The following RGS6 variants were observed in gnomAD, a reference collection of about 807,000 sequenced individuals.
RGS6 encodes the protein regulator of G-protein signaling 6.
Under a neutral mutation model 78.5 loss-of-function variants are expected in RGS6, and 30 were observed. The observed-to-expected ratio is 0.38, with a 90% CI of 0.29 to 0.52. The LOEUF is 0.52. Ranked by LOEUF, RGS6 falls within the 20% of genes least tolerant of loss-of-function variation. RGS6 has a pLI of 0.85. For missense variants in RGS6, 495 were observed against 609.7 expected, an observed-to-expected ratio of 0.81 and a Z score of 1.98; for synonymous variants, 206 against 206.0, an observed-to-expected ratio of 1.00 and a Z score of 0.00.
intron 3 of RGS6, among the ~76,000 whole-genome samples, chr14:72,423,828 TC>T (rs1338936612): frequency 1.3e-5 from 2 of 151,864 alleles, no homozygotes; most frequent in Non-Finnish European, 2.9e-5. Context: ...AAAATAAAAG[TC>T]AAAACAAAAT....
At chr14:72,269,151 C>A (rs1351046423) in intron 2 of RGS6, among the ~76,000 whole-genome samples, 1 of 141,136 alleles carries the variant, frequency 7.1e-6, no homozygotes, top group Non-Finnish European at 1.6e-5. Flanking sequence ...CACCACCCAC[C>A]TTGCTCCAAG....
At position 72,491,422 on chromosome 14, in the gene RGS6, T is replaced by C. The variant is rs2239271; in HGVS notation, c.855-3730T>C. Among the ~76,000 whole-genome samples the C allele has an allele frequency of 6.5e-4, 99 of 152,286 alleles. 2 individuals are homozygous for C. The East Asian group carries it at 0.018, about 27-fold the overall frequency. On this transcript the variant is annotated intron_variant, in intron 12 of 17. Coordinates refer to ENST00000553525, the MANE Select transcript of RGS6 (RefSeq NM_001204424.2). Reference sequence around the variant, plus strand: ...GTCACTCAATGCAACCAAGACAATATTGTAGACATATGTTCATCTTCTCCC... The same window carrying C: ...GTCACTCAATGCAACCAAGACAATACTGTAGACATATGTTCATCTTCTCCC...
chr14:72,453,040 G>A (rs902478520), intron 3 of RGS6, among the ~76,000 whole-genome samples: 3 of 152,198 alleles, frequency 2.0e-5, no homozygotes, highest in Non-Finnish European at 4.4e-5. Context: ...CTGGTATGCC[G>A]CAGGACTGTC....
At chr14:72,612,014 G>T in the RGS6 span, among the ~76,000 whole-genome samples, 2 of 152,186 alleles carry the variant, frequency 1.3e-5, no homozygotes, top group African/African-American at 4.8e-5. Context: ...AGCCCCTACA[G>T]GACCTAGAGC....
chr14:71,923,643 G>A, the RGS6 span, among the ~76,000 whole-genome samples: 1 of 152,144 alleles, frequency 6.6e-6, no homozygotes, highest in African/African-American at 2.4e-5. Context: ...AACATCATGA[G>A]TGAATCTAAA....
chr14:72,231,205 A>G (rs2049489509), intron 2 of RGS6, among the ~76,000 whole-genome samples: 1 of 152,194 alleles, frequency 6.6e-6, no homozygotes, highest in Non-Finnish European at 1.5e-5. Flanking sequence ...CAAGAGCATC[A>G]ACCCCACCAG....
intron 2 of RGS6, among the ~76,000 whole-genome samples, chr14:72,119,355 A>G (rs1174928237): frequency 6.6e-6 from 1 of 152,212 alleles, no homozygotes; most frequent in Admixed American, 6.5e-5. Context: ...ATAGGAAACC[A>G]TACCCCACTG....
chr14:72,339,942 C>T (rs2076679968), intron 2 of RGS6, among the ~76,000 whole-genome samples: 2 of 152,128 alleles, frequency 1.3e-5, no homozygotes, highest in African/African-American at 4.8e-5. Flanking sequence ...CTTGTGGTTG[C>T]ACCTCCTTCT....
chr14:72,076,362 G>A (rs919359562), intron 2 of RGS6, among the ~76,000 whole-genome samples: 4 of 152,006 alleles, frequency 2.6e-5, no homozygotes, highest in African/African-American at 9.7e-5. Flanking sequence ...TTAATAGATA[G>A]CATTGCATTA....
intron 2 of RGS6, among the ~76,000 whole-genome samples, chr14:72,130,866 A>G (rs137921105): frequency 4.8e-4 from 73 of 152,320 alleles, no homozygotes; most frequent in Non-Finnish European, 7.6e-4. Flanking sequence ...AGTTTGTTGC[A>G]TTGGTATGTG....
At chr14:71,875,330 T>C in the RGS6 span, among the ~76,000 whole-genome samples, 1 of 152,218 alleles carries the variant, frequency 6.6e-6, no homozygotes, top group Non-Finnish European at 1.5e-5. Context: ...GATCCTGTTA[T>C]TGTTCTATTC....
chr14:72,372,140 C>T (rs1323431460), intron 3 of RGS6, among the ~76,000 whole-genome samples: 1 of 152,146 alleles, frequency 6.6e-6, no homozygotes, highest in Non-Finnish European at 1.5e-5. Flanking sequence ...GCTTTAAACA[C>T]AAAACGTTGT....
intron 1 of RGS6, among the ~76,000 whole-genome samples, chr14:71,963,314 T>C (rs551032193): frequency 3.6e-4 from 55 of 152,262 alleles, no homozygotes; most frequent in Non-Finnish European, 7.6e-4. Flanking sequence ...CTCACTGTTA[T>C]CTTTTCAGGC....
In RGS6 at chr14:72,121,633, G is replaced by A. The variant is rs561686667; in HGVS notation, c.84+156758G>A. Among the ~76,000 whole-genome samples, 8 of 152,288 alleles carry A rather than the reference G, an allele frequency of 5.3e-5. No individual in the cohort carries two copies. In the South Asian group the frequency reaches 1.7e-3, roughly 32 times the overall value. On this transcript the variant is annotated intron_variant, in intron 2 of 17. Coordinates refer to ENST00000553525, the MANE Select transcript of RGS6 (RefSeq NM_001204424.2). ...TGCCTTCTTTCTCATGGAAGCATTG[G>A]ACAGCAGGGCAGCCCTAGTGAATTG...
intron 2 of RGS6, among the ~76,000 whole-genome samples, chr14:72,140,726 C>T (rs1050032319): frequency 1.3e-4 from 20 of 152,316 alleles, no homozygotes; most frequent in African/African-American, 4.1e-4. Flanking sequence ...ACTGTGTTTG[C>T]CCCTTTCTGC....
intron 3 of RGS6, among the ~76,000 whole-genome samples, chr14:72,451,595 A>G (rs2095494934): frequency 6.6e-6 from 1 of 152,062 alleles, no homozygotes; most frequent in Admixed American, 6.5e-5. Flanking sequence ...TTAACAGGGG[A>G]AAGGAAGGGC....
intron 13 of RGS6, among the ~76,000 whole-genome samples, chr14:72,508,562 C>CTTTTTTTTTTTTTTTT (rs61097187): frequency 3.5e-5 from 2 of 56,472 alleles, no homozygotes; most frequent in South Asian, 9.9e-4. Context: ...ACACAAGCTC[C>CTTTTTTTTTTTTTTTT]TTTTTTTTTT....
At chr14:72,519,613 C>T (rs1267778391) in intron 15 of RGS6, among the ~76,000 whole-genome samples, 1 of 152,220 alleles carries the variant, frequency 6.6e-6, no homozygotes, top group African/African-American at 2.4e-5. Flanking sequence ...TTCTCTCCCC[C>T]TGGTCACGAG....
At chr14:72,424,648 T>C (rs1054106624) in intron 3 of RGS6, among the ~76,000 whole-genome samples, 1 of 152,246 alleles carries the variant, frequency 6.6e-6, no homozygotes, top group African/African-American at 2.4e-5. Flanking sequence ...CCTCCTTGGC[T>C]GATATGGAAA....
Sources: gnomAD v4.1 joint callset for allele counts (sites outside exome capture counted in the v4.1 genomes callset) on GRCh38, gnomAD v4.1.1 for gene constraint, MANE v1.5 for transcripts, NCBI Gene and HGNC (gene_info 2026-07-23, HGNC 2026-07-21) for gene names.